Variants in NUAK1 observed in about 807,000 individuals in gnomAD.
NUAK1 encodes NUAK family kinase 1, also known as NUAK family SNF1-like kinase 1.
NUAK1 carries 26 observed loss-of-function variants against 56.9 expected under a neutral mutation model. The ratio of observed to expected loss-of-function variants is 0.46; its 90% CI spans 0.33 to 0.63. The LOEUF (loss-of-function observed/expected upper bound fraction) is 0.63. NUAK1 is among the 30% of genes least tolerant of loss of function. The pLI is 0.02. For synonymous variants in NUAK1, 337 were observed against 336.0 expected (o/e 1.00, Z -0.03); for missense variants, 727 against 876.1 (o/e 0.83, Z 2.15).
At chr12:106,136,373 G>GGCC (rs1355918105) in intron 1 of NUAK1, among the ~76,000 whole-genome samples, 1 of 152,110 alleles carries the variant, frequency 6.6e-6, no homozygotes, top group Non-Finnish European at 1.5e-5. Context: ...GCCCCCTCGT[G>GGCC]GCCGCTTGAC....
chr12:106,095,031 C>T (rs1049318097), intron 2 of NUAK1, among the ~76,000 whole-genome samples: 6 of 152,178 alleles, frequency 3.9e-5, no homozygotes, highest in Non-Finnish European at 7.4e-5. Flanking sequence ...TGGAAACGGG[C>T]GCTATCAGCC....
chr12:106,072,653 T>C, intron 5 of NUAK1, 71 bp downstream of exon 5: 1 of 1,490,594 alleles, frequency 6.7e-7, no homozygotes, highest in Non-Finnish European at 9.1e-7. Context: ...ATTTCTCGAA[T>C]CCAGTTTTTG....
intron 2 of NUAK1, among the ~76,000 whole-genome samples, chr12:106,091,823 T>A (rs543559809): frequency 1.3e-5 from 2 of 152,284 alleles, no homozygotes; most frequent in South Asian, 4.1e-4. Flanking sequence ...ATTGAACAGT[T>A]ACTACATGTC....
At chr12:106,099,925 G>A (rs761024740) in intron 2 of NUAK1, among the ~76,000 whole-genome samples, 12 of 151,366 alleles carry the variant, frequency 7.9e-5, no homozygotes, top group Non-Finnish European at 1.2e-4. Flanking sequence ...TGAGTAGCTG[G>A]GACCACAGGC....
At chr12:106,089,250 C>T (rs1461947631) in intron 2 of NUAK1, among the ~76,000 whole-genome samples, 1 of 152,216 alleles carries the variant, frequency 6.6e-6, no homozygotes, top group African/African-American at 2.4e-5. Context: ...AAGACTCACA[C>T]CCCAAAGAGT....
chr12:106,095,200 A>G (rs2032684492), intron 2 of NUAK1, among the ~76,000 whole-genome samples: 1 of 152,174 alleles, frequency 6.6e-6, no homozygotes, highest in South Asian at 2.1e-4. Context: ...CACAATCCTG[A>G]ATGTGAGAAA....
intron 1 of NUAK1, among the ~76,000 whole-genome samples, chr12:106,118,505 CG>C (rs1159329707): frequency 6.6e-6 from 1 of 152,210 alleles, no homozygotes; most frequent in Non-Finnish European, 1.5e-5. Flanking sequence ...GCTCAAATGT[CG>C]TGGAAGGTCT....
intron 1 of NUAK1, among the ~76,000 whole-genome samples, chr12:106,126,550 C>T (rs1472600174): frequency 1.3e-5 from 2 of 152,172 alleles, no homozygotes; most frequent in Non-Finnish European, 2.9e-5. Flanking sequence ...TCTAAGAATT[C>T]AGTGAGATGA....
chr12:106,114,131 G>A (rs1324545776), intron 1 of NUAK1, among the ~76,000 whole-genome samples: 2 of 152,216 alleles, frequency 1.3e-5, no homozygotes, highest in Admixed American at 6.5e-5. Flanking sequence ...AGAAAGGGCT[G>A]GGCCAGAGGG....
chr12:106,124,281 T>C (rs2033005354), intron 1 of NUAK1, among the ~76,000 whole-genome samples: 1 of 150,782 alleles, frequency 6.6e-6, no homozygotes, highest in Non-Finnish European at 1.5e-5. Flanking sequence ...ACAGTATTTT[T>C]CCTGGAAAAT....
chr12:106,110,184 C>T (rs914504728), intron 1 of NUAK1, among the ~76,000 whole-genome samples: 2 of 152,212 alleles, frequency 1.3e-5, no homozygotes, highest in African/African-American at 4.8e-5. Context: ...CCCGCTCCCA[C>T]ACTGTCTCCT....
In NUAK1 at chr12:106,096,126, G is replaced by A. The variant is rs187244607; in HGVS notation, c.362-9241C>T. 4.6e-5 allele frequency among the ~76,000 whole-genome samples: 7 copies of A among 152,066 alleles called. No homozygotes were observed. The East Asian group carries it at 7.7e-4, about 17-fold the overall frequency. ...TAAGAAAGCTATCCCAGTTCATTCCGAAAGACCCCATAGTAAAGGGCAATA... is the reference window on the plus strand; with the variant it reads ...TAAGAAAGCTATCCCAGTTCATTCCAAAAGACCCCATAGTAAAGGGCAATA... On this transcript the variant is annotated intron_variant, in intron 2 of 6. Transcript: ENST00000261402.
intron 2 of NUAK1, among the ~76,000 whole-genome samples, chr12:106,093,141 C>T (rs1280913786): frequency 2.6e-5 from 4 of 152,148 alleles, no homozygotes; most frequent in African/African-American, 9.7e-5. Context: ...GTGAGGTCAG[C>T]CAGAAGGGGC....
Position 106,135,769 on chromosome 12 carries a change from C to T in NUAK1, c.240+2645G>A, listed in dbSNP as rs147334157. On this transcript the variant is annotated intron_variant, in intron 1 of 6. Transcript: ENST00000261402. The stretch of plus-strand genomic sequence containing the variant: ...CCCTTTCAGTTCTCCTCAACTGCAC[C>T]TTCAAAGCATGTTGTGAATGTTTAG... 6.6e-3 allele frequency among the ~76,000 whole-genome samples: 1,002 copies of T among 152,306 alleles called. 4 individuals are homozygous for T. Among genetic ancestry groups the T allele is most frequent in the Non-Finnish European group, 9.4e-3 (638 of 68,038 alleles).
At chr12:106,081,020 C>A (rs960321816) in intron 4 of NUAK1, among the ~76,000 whole-genome samples, 4 of 152,212 alleles carry the variant, frequency 2.6e-5, no homozygotes, top group Non-Finnish European at 5.9e-5. Flanking sequence ...CAAATCAAGA[C>A]CAGCTGAATC....
At chr12:106,097,735 A>T (rs1487117085) in intron 2 of NUAK1, among the ~76,000 whole-genome samples, 1 of 152,174 alleles carries the variant, frequency 6.6e-6, no homozygotes. Flanking sequence ...TTTCTAGTAC[A>T]GTGGGGTTGT....
chr12:106,100,769 C>T (rs553864392), intron 2 of NUAK1, among the ~76,000 whole-genome samples: 2 of 152,322 alleles, frequency 1.3e-5, no homozygotes, highest in Non-Finnish European at 2.9e-5. Flanking sequence ...ACTTTCTAAA[C>T]ATACAGGGTT....
Position 106,076,457 on chromosome 12 carries a change from C to G in NUAK1, c.580-3614G>C, listed in dbSNP as rs185226902. 1.2e-3 allele frequency among the ~76,000 whole-genome samples: 180 copies of G among 152,252 alleles called. 1 individual carries two copies. Among genetic ancestry groups the G allele is most frequent in the African/African-American group, 4.1e-3 (169 of 41,546 alleles). The stretch of plus-strand genomic sequence containing the variant: ...GGTACCTACCTAGCTGGCATTTTTG[C>G]TTGTTGTTTTGACTGCTCCCCTGCC... On this transcript the variant is annotated intron_variant, in intron 4 of 6. Transcript: ENST00000261402.
intron 2 of NUAK1, among the ~76,000 whole-genome samples, chr12:106,087,787 C>A (rs1394679259): frequency 6.6e-6 from 1 of 152,186 alleles, no homozygotes; most frequent in Non-Finnish European, 1.5e-5. Flanking sequence ...GCACGGCCTG[C>A]AATCAGGCAG....
Sources: gnomAD v4.1 joint callset for allele counts (sites outside exome capture counted in the v4.1 genomes callset) on GRCh38, gnomAD v4.1.1 for gene constraint, MANE v1.5 for transcripts, NCBI Gene and HGNC (gene_info 2026-07-23, HGNC 2026-07-21) for gene names.